Variants in DNAH6 observed in about 807,000 individuals in gnomAD.
DNAH6 encodes dynein axonemal heavy chain 6.
DNAH6 carries 340 observed loss-of-function variants against 491.4 expected under a neutral mutation model. The ratio of observed to expected loss-of-function variants is 0.69; its 90% CI spans 0.63 to 0.76. DNAH6 has a LOEUF of 0.76. DNAH6 is among the 30% of genes least tolerant of loss of function. The pLI, the probability that DNAH6 is intolerant of heterozygous loss-of-function variation, is 0.00. For missense variants in DNAH6, 4,443 were observed against 4,972.2 expected (o/e 0.89, Z 3.20); for synonymous variants, 1,603 against 1,686.1 (o/e 0.95, Z 1.21).
At chr2:84,599,298 G>C (rs1022194107) in intron 18 of DNAH6, among the ~76,000 whole-genome samples, 5 of 151,974 alleles carry the variant, frequency 3.3e-5, no homozygotes, top group African/African-American at 1.2e-4. Flanking sequence ...TTCCTGTACA[G>C]TGATTTTCAC....
intron 63 of DNAH6, among the ~76,000 whole-genome samples, chr2:84,760,425 A>T (rs919940033): frequency 6.6e-6 from 1 of 152,224 alleles, no homozygotes; most frequent in Non-Finnish European, 1.5e-5. Flanking sequence ...CAGGGGACTA[A>T]TATCCACAAT....
At chr2:84,503,855 T>A in the DNAH6 span, among the ~76,000 whole-genome samples, 1 of 152,144 alleles carries the variant, frequency 6.6e-6, no homozygotes, top group Non-Finnish European at 1.5e-5. Flanking sequence ...TTTGGGAGTT[T>A]GATTATTAAA....
Position 84,722,780 on chromosome 2 carries a change from G to A in DNAH6, c.9948G>A (p.Gln3316=). The A allele has an allele frequency of 6.6e-7, 1 of 1,505,740 alleles. No homozygotes were observed. Among genetic ancestry groups the A allele is most frequent in the Non-Finnish European group, 8.8e-7 (1 of 1,130,644 alleles). The allele number at this position is 1,505,740 out of a possible 1,614,324, so 93.3% of individuals were successfully genotyped here. ...ASLSEIDPMY[Q]YSLKYFKQLF... ...TCTCAGAAATAGATCCTATGTACCAGTACTCATTAAAATACTTTAAACAGG... is the reference window on the plus strand; with the variant it reads ...TCTCAGAAATAGATCCTATGTACCAATACTCATTAAAATACTTTAAACAGG... Residue 3316 remains glutamine (Q), a synonymous_variant, in exon 60 of 77, where the codon CAG becomes CAA. Transcript: ENST00000389394.
intron 18 of DNAH6, among the ~76,000 whole-genome samples, chr2:84,597,007 T>C (rs1014197783): frequency 2.0e-5 from 3 of 152,204 alleles, no homozygotes; most frequent in Admixed American, 1.3e-4. Flanking sequence ...GGTAGAGTAA[T>C]GTATCCAATA....
chr2:84,787,172 G>A lies in DNAH6; in HGVS notation c.11109G>A (p.Lys3703=). 1 of 1,505,558 alleles carries A rather than the reference G, an allele frequency of 6.6e-7. No homozygotes were observed. 93.3% of individuals were successfully genotyped at this position (1,505,558 alleles called of 1,614,324 possible). ...CFFHAIIQER[K]KFGPLGWNIC... ...TTCATTTTTCATTTTAGGAGAGAAA[G>A]AAGTTTGGCCCCCTTGGTTGGAATA... The change falls in exon 68 of 77, where the codon AAG becomes AAA. Residue 3703 remains lysine, a synonymous_variant. Coordinates refer to ENST00000389394, the MANE Select transcript of DNAH6 (RefSeq NM_001370.2).
chr2:84,681,411 T>C lies in DNAH6; in HGVS notation c.6799T>C (p.Ser2267Pro). 6.4e-7 allele frequency: 1 copy of C among 1,551,610 alleles called. No homozygotes were observed. Among genetic ancestry groups the C allele is most frequent in the Non-Finnish European group, 8.7e-7 (1 of 1,146,880 alleles). The change falls in exon 42 of 77, where the codon TCA (serine) becomes CCA (proline). Residue 2267 changes from serine to proline, a missense_variant. Ser to Pro is a moderately conservative substitution (Grantham distance 74, BLOSUM62 -1). Around this residue, in one of 3 missense-constraint regions of DNAH6, gnomAD observed 2,977 missense variants for 3,296.6 expected, o/e 0.90. Coordinates refer to ENST00000389394, the MANE Select transcript of DNAH6 (RefSeq NM_001370.2). ...DFPPAVKQTA[S>P]SIVEASVEIY... ...TCCACCAGCTGTAAAGCAAACTGCA[T>C]CAAGCATTGTAGAAGCCTCAGTTGA...
At chr2:84,600,900 G>A (rs1685143051) in intron 18 of DNAH6, among the ~76,000 whole-genome samples, 1 of 150,222 alleles carries the variant, frequency 6.7e-6, no homozygotes, top group South Asian at 2.1e-4. Flanking sequence ...CAGTAGCAAT[G>A]AGCATAATTT....
At chr2:84,676,534 C>T (rs1207195838) in intron 40 of DNAH6, among the ~76,000 whole-genome samples, 2 of 152,154 alleles carry the variant, frequency 1.3e-5, no homozygotes, top group Non-Finnish European at 2.9e-5. Context: ...CAGAAACACA[C>T]ATAAAACAAA....
intron 32 of DNAH6, among the ~76,000 whole-genome samples, chr2:84,641,578 C>T (rs897574209): frequency 1.3e-5 from 2 of 152,118 alleles, no homozygotes; most frequent in African/African-American, 4.8e-5. Context: ...AGTCACTGGG[C>T]TGGGTTTCGC....
intron 32 of DNAH6, among the ~76,000 whole-genome samples, chr2:84,641,184 C>G (rs575595526): frequency 6.6e-6 from 1 of 152,274 alleles, no homozygotes; most frequent in Admixed American, 6.5e-5. Context: ...TCCAGAGCCT[C>G]TAAGGAGACC....
chr2:84,629,192 A>G (rs1345494537), intron 29 of DNAH6, among the ~76,000 whole-genome samples: 2 of 152,094 alleles, frequency 1.3e-5, no homozygotes, highest in Non-Finnish European at 2.9e-5. Context: ...TTTCTAATAT[A>G]GTATTTGCTA....
chr2:84,799,307 T>C (rs960654000), intron 70 of DNAH6, among the ~76,000 whole-genome samples: 4 of 152,154 alleles, frequency 2.6e-5, no homozygotes, highest in African/African-American at 9.7e-5. Context: ...TTTTCCAGGA[T>C]GAGCATGGCC....
chr2:84,661,573 A>G (rs7566567), intron 37 of DNAH6, among the ~76,000 whole-genome samples: 88 of 152,312 alleles, frequency 5.8e-4, no homozygotes, highest in African/African-American at 1.9e-3. Context: ...CCAACTACTT[A>G]GGAATAAAAG....
chr2:84,741,668 G>A (rs1573665356), intron 62 of DNAH6, among the ~76,000 whole-genome samples: 1 of 152,178 alleles, frequency 6.6e-6, no homozygotes, highest in South Asian at 2.1e-4. Flanking sequence ...GCATGAGTGT[G>A]CCCGTTCTCC....
At chr2:84,616,732 T>C (rs139322720) in intron 22 of DNAH6, among the ~76,000 whole-genome samples, 154 bp from the exon 23 acceptor site, 379 of 152,272 alleles carry the variant, frequency 2.5e-3, no homozygotes, top group African/African-American at 8.6e-3. Flanking sequence ...AACTTTAGGT[T>C]TGGATAATTC....
intron 63 of DNAH6, among the ~76,000 whole-genome samples, chr2:84,754,120 C>T (rs972982134): frequency 4.0e-5 from 6 of 151,742 alleles, no homozygotes; most frequent in Non-Finnish European, 1.5e-5. Context: ...CCACGCCTGG[C>T]CTTGAGTTAA....
chr2:84,598,112 T>C (rs1345119704), intron 18 of DNAH6, among the ~76,000 whole-genome samples: 3 of 151,032 alleles, frequency 2.0e-5, no homozygotes, highest in African/African-American at 7.4e-5. Flanking sequence ...GAACTCGTGG[T>C]TCTTTCTATC....
In DNAH6 at chr2:84,704,095, C is replaced by A; in HGVS notation, c.8258C>A (p.Ala2753Glu). The A allele has an allele frequency of 6.4e-7, 1 of 1,551,720 alleles. No individual in the cohort carries two copies. The highest frequency in any genetic ancestry group is 8.7e-7 in the Non-Finnish European group (1 of 1,146,986). Reference protein sequence around the residue: ...QVRNTVQEDEATAKVKAEETQ... With the variant: ...QVRNTVQEDEETAKVKAEETQ... ...CGTAACACTGTGCAGGAGGATGAAG[C>A]AACAGCAAAAGTCAAAGCTGAAGAA... is the stretch of plus-strand genomic sequence containing the variant. The change falls in exon 51 of 77, where the codon GCA becomes GAA. Residue 2753 changes from alanine (A) to glutamate (E), a missense_variant. Ala to Glu is a moderately radical substitution (Grantham distance 107). This residue lies in a region of DNAH6 where 2,977 missense variants were observed against 3,296.6 expected (regional missense o/e 0.90). Coordinates refer to ENST00000389394, the MANE Select transcript of DNAH6 (RefSeq NM_001370.2).
At chr2:84,472,227 T>A in the DNAH6 span, among the ~76,000 whole-genome samples, 1 of 151,786 alleles carries the variant, frequency 6.6e-6, no homozygotes, top group South Asian at 2.1e-4. Flanking sequence ...GTATTTGAGT[T>A]TTGAAAGTAT....
Sources: allele counts gnomAD v4.1 joint callset (sites outside exome capture counted in the v4.1 genomes callset), GRCh38; gene constraint gnomAD v4.1.1; regional missense constraint gnomAD v4.1.1; transcripts MANE v1.5; gene names NCBI Gene and HGNC (gene_info 2026-07-23, HGNC 2026-07-21).